Variants in ZNF516 observed in about 807,000 individuals in gnomAD.
ZNF516 encodes zinc finger protein 516.
Under a neutral mutation model 79.7 loss-of-function variants are expected in ZNF516, and 19 were observed. The ratio of observed to expected loss-of-function variants is 0.24; its 90% CI spans 0.17 to 0.35. The LOEUF is 0.35. Among genes scored for constraint, ZNF516 ranks in the 10% least tolerant of loss-of-function variants. The pLI is 1.00. For synonymous variants in ZNF516, 877 were observed against 739.5 expected, an observed-to-expected ratio of 1.19 and a Z score of -3.02; for missense variants, 1,678 against 1,679.5, an observed-to-expected ratio of 1.00 and a Z score of 0.02.
At chr18:76,401,234 C>T (rs948115884) in intron 3 of ZNF516, among the ~76,000 whole-genome samples, 6 of 137,936 alleles carry the variant, frequency 4.3e-5, no homozygotes, top group Non-Finnish European at 7.6e-5. Flanking sequence ...TCTTATAGTT[C>T]ACCTTCAATT....
At chr18:76,492,655 G>C in intron 1 of ZNF516, 1 of 937,174 alleles carries the variant, frequency 1.1e-6, no homozygotes, top group South Asian at 4.9e-5. Flanking sequence ...AAACGCACCA[G>C]GGCGCGCGTG....
intron 3 of ZNF516, chr18:76,386,185 G>C (rs905994253): frequency 5.3e-5 from 8 of 152,206 alleles, no homozygotes; most frequent in Non-Finnish European, 1.2e-4. Flanking sequence ...GGGAAGGTTG[G>C]GGGCCCTTGC....
chr18:76,433,059 C>T (rs2075683034), intron 3 of ZNF516, among the ~76,000 whole-genome samples: 1 of 152,236 alleles, frequency 6.6e-6, no homozygotes, highest in Admixed American at 6.5e-5. Context: ...GAAATCCACA[C>T]ATGCGGCACT....
intron 1 of ZNF516, among the ~76,000 whole-genome samples, chr18:76,485,348 G>C (rs146143007): frequency 4.3e-4 from 65 of 152,296 alleles, no homozygotes; most frequent in Non-Finnish European, 7.6e-4. Context: ...AAAATGTTCT[G>C]TCTGTGTCAC....
In ZNF516 at chr18:76,379,106, G is replaced by T; in HGVS notation, c.3008C>A (p.Pro1003His). 1 of 1,611,698 alleles carries T rather than the reference G, an allele frequency of 6.2e-7. No homozygotes were observed. Residue 1003 changes from proline (P) to histidine (H), a missense_variant, in exon 4 of 7, where the codon CCC (proline) becomes CAC (histidine). Physicochemically the swap from Pro to His is moderately conservative, Grantham distance 77. This residue lies in a region of ZNF516 where 1,294 missense variants were observed against 1,248.3 expected (regional missense o/e 1.04). Transcript: ENST00000443185. ...CCTCAGCTCCTGGGCTGCCTTCGAG[G>T]GGGGCTCGCGGGGAGGTAGAGGAGG... ...GAPPLPPREP[P>H]SKAAQELRTL...
At chr18:76,383,072 G>A (rs2074920740) in intron 3 of ZNF516, among the ~76,000 whole-genome samples, 1 of 148,294 alleles carries the variant, frequency 6.7e-6, no homozygotes. Context: ...GCATGGTCTA[G>A]CCCAAGTTAT....
intron 3 of ZNF516, among the ~76,000 whole-genome samples, chr18:76,412,875 GC>G (rs2075388620): frequency 6.6e-6 from 1 of 152,176 alleles, no homozygotes; most frequent in South Asian, 2.1e-4. Flanking sequence ...GGGACACCGG[GC>G]TGAGTGTGGC....
At chr18:76,369,918 C>G (rs1454551822) in intron 6 of ZNF516, among the ~76,000 whole-genome samples, 1 of 152,190 alleles carries the variant, frequency 6.6e-6, no homozygotes, top group Non-Finnish European at 1.5e-5. Flanking sequence ...GTGGGTGCCT[C>G]TCTACTTTAG....
chr18:76,421,778 G>T (rs1220910516), intron 3 of ZNF516, among the ~76,000 whole-genome samples: 1 of 152,162 alleles, frequency 6.6e-6, no homozygotes. Context: ...TTTACCTACA[G>T]TAAGAAAGTG....
Position 76,444,023 on chromosome 18 carries a change from G to A in ZNF516, c.-157-812C>T, listed in dbSNP as rs111999943. Among the ~76,000 whole-genome samples, 163 of 152,338 alleles carry A rather than the reference G, an allele frequency of 1.1e-3. 1 individual carries two copies. Among genetic ancestry groups the A allele is most frequent in the African/African-American group, 3.6e-3 (151 of 41,582 alleles). On this transcript the variant is annotated intron_variant, in intron 2 of 6. Coordinates refer to ENST00000443185, the MANE Select transcript of ZNF516 (RefSeq NM_014643.4). ...GCCAGAGAGTAGCTGTGTCCAGCAC[G>A]GAACAGGCCCCCACCAAGGACGAGG... is the stretch of plus-strand genomic sequence containing the variant.
At chr18:76,447,985 ATTT>A (rs893336321) in intron 2 of ZNF516, among the ~76,000 whole-genome samples, 11 of 152,294 alleles carry the variant, frequency 7.2e-5, no homozygotes, top group African/African-American at 2.2e-4. Context: ...TTTGAAATAA[ATTT>A]TTTTATTTCA....
intron 1 of ZNF516, chr18:76,488,257 C>G: frequency 1.0e-6 from 1 of 984,918 alleles, no homozygotes; most frequent in Non-Finnish European, 1.2e-6. Context: ...GAGCTAAATA[C>G]AGTAATAAAA....
In ZNF516 at chr18:76,473,758, A is replaced by G. The variant is rs565640969; in HGVS notation, c.-271-10617T>C. ...GGAGCTTGCAGTGAGCTGAGATTGC[A>G]CCACTGCACTCCAGCCTGAGCAACA... On this transcript the variant is annotated intron_variant, in intron 1 of 6. Coordinates refer to ENST00000443185, the MANE Select transcript of ZNF516 (RefSeq NM_014643.4). 8.6e-5 allele frequency among the ~76,000 whole-genome samples: 13 copies of G among 151,764 alleles called. 1 individual carries two copies. The South Asian group carries it at 2.1e-3, about 24-fold the overall frequency.
At chr18:76,386,505 A>G (rs2074995039) in intron 3 of ZNF516, 1 of 152,262 alleles carries the variant, frequency 6.6e-6, no homozygotes, top group African/African-American at 2.4e-5. Context: ...AAGAAAAGGT[A>G]AAAGTTCCAC....
intron 3 of ZNF516, among the ~76,000 whole-genome samples, chr18:76,383,618 G>A (rs2074930440): frequency 6.7e-6 from 1 of 149,722 alleles, no homozygotes; most frequent in African/African-American, 2.5e-5. Context: ...AGGGACCCAG[G>A]ACCCTCTTCC....
At chr18:76,454,108 G>A (rs1202089280) in intron 2 of ZNF516, among the ~76,000 whole-genome samples, 1 of 152,156 alleles carries the variant, frequency 6.6e-6, no homozygotes, top group Admixed American at 6.6e-5. Flanking sequence ...AATACAAAGA[G>A]AGATAATTGT....
intron 3 of ZNF516, among the ~76,000 whole-genome samples, chr18:76,416,839 C>T (rs1356854324): frequency 6.6e-6 from 1 of 152,108 alleles, no homozygotes; most frequent in African/African-American, 2.4e-5. Flanking sequence ...AGAACATATC[C>T]TTCTTTCATT....
chr18:76,469,115 TG>T (rs1375119208), intron 1 of ZNF516, among the ~76,000 whole-genome samples: 1 of 152,238 alleles, frequency 6.6e-6, no homozygotes, highest in Non-Finnish European at 1.5e-5. Context: ...TGTTTAGCTC[TG>T]TACGCCTGAA....
At chr18:76,486,319 A>T (rs1372389625) in intron 1 of ZNF516, among the ~76,000 whole-genome samples, 1 of 152,234 alleles carries the variant, frequency 6.6e-6, no homozygotes, top group Non-Finnish European at 1.5e-5. Context: ...CTCATGCAAT[A>T]TAGGTTAAAT....
Sources: gnomAD v4.1 joint callset for allele counts (sites outside exome capture counted in the v4.1 genomes callset) on GRCh38, gnomAD v4.1.1 for gene constraint, gnomAD v4.1.1 regional missense constraint, MANE v1.5 for transcripts, NCBI Gene and HGNC (gene_info 2026-07-23, HGNC 2026-07-21) for gene names.